KIAA0753: variants seen among roughly 807,000 people sequenced by gnomAD.
KIAA0753 encodes the protein protein moonraker.
A neutral mutation model predicts 116.9 loss-of-function variants in KIAA0753; 114 were observed. That is an observed-to-expected ratio of 0.98 (90% confidence interval 0.84 to 1.14). The LOEUF is 1.14. Ranked by LOEUF, KIAA0753 falls within the 50% of genes most tolerant of loss-of-function variation. KIAA0753 has a pLI of 0.00. For synonymous variants in KIAA0753, 405 were observed against 413.1 expected, an observed-to-expected ratio of 0.98 and a Z score of 0.24; for missense variants, 1,156 against 1,172.4, an observed-to-expected ratio of 0.99 and a Z score of 0.20.
intron 7 of KIAA0753, among the ~76,000 whole-genome samples, chr17:6,612,366 T>A (rs902893303): frequency 6.6e-6 from 1 of 152,202 alleles, no homozygotes; most frequent in Non-Finnish European, 1.5e-5. Flanking sequence ...ATCTTCGCTA[T>A]CATATTTACT....
intron 10 of KIAA0753, 59 bp downstream of exon 10, chr17:6,608,287 TCC>T (rs1970318026): frequency 2.8e-6 from 2 of 725,446 alleles, no homozygotes; most frequent in South Asian, 7.6e-5. Context: ...AGGGTTCACT[TCC>T]AAGTCTATGT....
chr17:6,637,825 A>G (rs1300082546), intron 1 of KIAA0753: 1 of 151,346 alleles, frequency 6.6e-6, no homozygotes, highest in East Asian at 2.0e-4. Context: ...AGCCACGGGC[A>G]CCCCACTAGC....
intron 8 of KIAA0753, among the ~76,000 whole-genome samples, chr17:6,611,141 G>C (rs530618315): frequency 5.3e-5 from 8 of 152,178 alleles, no homozygotes; most frequent in African/African-American, 1.9e-4. Context: ...CCACTGATAG[G>C]GCCATAAGTA....
chr17:6,634,915 C>G, intron 2 of KIAA0753, 96 bp downstream of exon 2: 1 of 783,744 alleles, frequency 1.3e-6, no homozygotes. Context: ...ATTGCTGAAT[C>G]TAGGAGGTGA....
Position 6,590,515 on chromosome 17 carries a change from A to G in KIAA0753, c.2556T>C (p.Asn852=). Residue 852 remains asparagine, a synonymous_variant, in exon 17 of 19, where the codon AAT becomes AAC. Transcript: ENST00000361413. ...AVNIMLERPC[N]GNSLDESVGT... is the part of the protein sequence containing the mutation. ...AAAGTGTCTTTGCCACTTACTTGCC[A>G]TTACAGGGCCTTTCTAACATGATGT... is the stretch of plus-strand genomic sequence containing the variant. The G allele has an allele frequency of 1.2e-6, 2 of 1,613,930 alleles. No homozygotes were observed. Among genetic ancestry groups the G allele is most frequent in the Non-Finnish European group, 1.7e-6 (2 of 1,179,852 alleles).
chr17:6,602,902 T>G (rs1427992212), intron 12 of KIAA0753, among the ~76,000 whole-genome samples: 1 of 152,004 alleles, frequency 6.6e-6, no homozygotes, highest in African/African-American at 2.4e-5. Context: ...ACTAGGTATC[T>G]GAGGAAGGAA....
intron 1 of KIAA0753, 178 bp downstream of exon 1, chr17:6,640,459 A>ACCCCCCCCCCCCCC (rs1378213533): frequency 1.7e-5 from 1 of 58,184 alleles, no homozygotes; most frequent in Non-Finnish European, 3.5e-5. Flanking sequence ...CACCCATCCC[A>ACCCCCCCCCCCCCC]CCCCCGCCCA....
At chr17:6,602,356 G>T (rs72835748) in intron 12 of KIAA0753, among the ~76,000 whole-genome samples, 1 of 152,116 alleles carries the variant, frequency 6.6e-6, no homozygotes, top group South Asian at 2.1e-4. Flanking sequence ...ACTATAAATG[G>T]GAAAGCCCAA....
At chr17:6,615,180 C>G (rs1970803890) in intron 7 of KIAA0753, among the ~76,000 whole-genome samples, 1 of 152,160 alleles carries the variant, frequency 6.6e-6, no homozygotes, top group Admixed American at 6.5e-5. Flanking sequence ...GGTGATCCAC[C>G]CACCTCAGCC....
At position 6,612,149 on chromosome 17, in the gene KIAA0753, C is replaced by T. The variant is rs1247417008; in HGVS notation, c.1316-1G>A. ...AGCTCCGTATCGGGCTGATACTTAT[C>T]TACATGGAAATTTTTGAAAAACAAA... is the stretch of plus-strand genomic sequence containing the variant. On this transcript the variant is annotated splice_acceptor_variant, in intron 7 of 18. Transcript: ENST00000361413. LOFTEE classifies it high-confidence loss of function. The T allele has an allele frequency of 6.3e-7, 1 of 1,596,634 alleles. No individual in the cohort carries two copies. Among genetic ancestry groups the T allele is most frequent in the Non-Finnish European group, 8.5e-7 (1 of 1,173,558 alleles).
At chr17:6,582,332 T>G (rs2150720579) in intron 18 of KIAA0753, among the ~76,000 whole-genome samples, 1 of 152,368 alleles carries the variant, frequency 6.6e-6, no homozygotes, top group East Asian at 1.9e-4. Flanking sequence ...GCCGTTAATA[T>G]GATTATATTA....
chr17:6,623,702 A>C, intron 4 of KIAA0753, 131 bp from the exon 5 acceptor site: 2 of 1,328,284 alleles, frequency 1.5e-6, no homozygotes, highest in Non-Finnish European at 9.8e-7. Flanking sequence ...GAAAATGAAA[A>C]AAAGGCTCTT....
At chr17:6,614,421 G>T (rs56739318) in intron 7 of KIAA0753, among the ~76,000 whole-genome samples, 1,568 of 151,642 alleles carry the variant, frequency 0.01, 30 homozygotes, top group African/African-American at 0.035. Flanking sequence ...ATTCATATAA[G>T]GGAAACCTAT....
At chr17:6,627,523 C>G (rs76997256) in intron 3 of KIAA0753, among the ~76,000 whole-genome samples, 4 of 152,134 alleles carry the variant, frequency 2.6e-5, no homozygotes, top group African/African-American at 4.8e-5. Context: ...AAATTCTCCA[C>G]GTGGAACCAG....
chr17:6,613,976 A>G (rs1225588446), intron 7 of KIAA0753, among the ~76,000 whole-genome samples: 2 of 152,236 alleles, frequency 1.3e-5, no homozygotes, highest in Non-Finnish European at 2.9e-5. Flanking sequence ...TAATATCCAG[A>G]CTATATAAAG....
At chr17:6,581,760 G>A (rs778092151) in intron 18 of KIAA0753, among the ~76,000 whole-genome samples, 8 of 151,912 alleles carry the variant, frequency 5.3e-5, no homozygotes, top group Non-Finnish European at 8.8e-5. Context: ...TACATATTTC[G>A]ATGCTTGAAA....
rs533379989 is a variant in KIAA0753, at chr17:6,601,552, A to G, written c.2010-1094T>C. On this transcript the variant is annotated intron_variant, in intron 12 of 18. Coordinates refer to ENST00000361413, the MANE Select transcript of KIAA0753 (RefSeq NM_014804.3). ...AAAGACCAACATAAGTGTCCTTAAC[A>G]AACAGTCCAGGTGTTACTTTCATCA... 2.6e-5 allele frequency among the ~76,000 whole-genome samples: 4 copies of G among 152,320 alleles called. No homozygotes were observed. In the East Asian group the frequency reaches 7.7e-4, roughly 29 times the overall value.
At chr17:6,607,080 C>G (rs1283387980) in intron 11 of KIAA0753, 101 bp downstream of exon 11, 3 of 1,391,392 alleles carry the variant, frequency 2.2e-6, no homozygotes, top group Non-Finnish European at 3.1e-6. Context: ...TTTAAGGAGG[C>G]AGAAGTGTAG....
intron 7 of KIAA0753, among the ~76,000 whole-genome samples, chr17:6,615,474 G>T (rs1050155270): frequency 1.3e-5 from 2 of 151,950 alleles, no homozygotes; most frequent in Admixed American, 1.3e-4. Flanking sequence ...ACTTAATAAG[G>T]CATGTTGGCA....
Sources: gnomAD v4.1 joint callset for allele counts (sites outside exome capture counted in the v4.1 genomes callset) on GRCh38, gnomAD v4.1.1 for gene constraint, MANE v1.5 for transcripts, NCBI Gene and HGNC (gene_info 2026-07-23, HGNC 2026-07-21) for gene names.